The following PARM1 variants were observed in gnomAD, a reference collection of about 807,000 sequenced individuals.
The protein encoded by PARM1 is prostate androgen-regulated mucin-like protein 1.
PARM1 carries 14 observed loss-of-function variants against 24.6 expected under a neutral mutation model. The observed-to-expected ratio is 0.57, with a 90% CI of 0.38 to 0.89. The LOEUF (loss-of-function observed/expected upper bound fraction) is 0.89, where lower values mean the gene tolerates loss of function less well. Ranked by LOEUF, PARM1 falls within the 40% of genes least tolerant of loss-of-function variation. The pLI is 0.00. For synonymous variants in PARM1, 179 were observed against 156.6 expected (o/e 1.14, Z -1.07); for missense variants, 362 against 380.4 (o/e 0.95, Z 0.40).
At chr4:75,036,743 C>T (rs1276939219) in intron 3 of PARM1, among the ~76,000 whole-genome samples, 1 of 152,154 alleles carries the variant, frequency 6.6e-6, no homozygotes, top group East Asian at 1.9e-4. Context: ...TTTCCCCAGG[C>T]GTTCAGAGCA....
At chr4:75,012,373 C>T in intron 1 of PARM1, 52 bp from the exon 2 acceptor site, 8 of 1,573,860 alleles carry the variant, frequency 5.1e-6, no homozygotes, top group Non-Finnish European at 6.9e-6. Flanking sequence ...CTCTATTTCA[C>T]ATATTACCGT....
intron 1 of PARM1, among the ~76,000 whole-genome samples, chr4:74,951,320 T>C (rs1047578058): frequency 6.6e-6 from 1 of 152,190 alleles, no homozygotes; most frequent in Non-Finnish European, 1.5e-5. Flanking sequence ...TATAGAGAGA[T>C]AGCAAAAAGT....
At chr4:74,984,574 C>T (rs1230693614) in intron 1 of PARM1, among the ~76,000 whole-genome samples, 1 of 152,280 alleles carries the variant, frequency 6.6e-6, no homozygotes, top group African/African-American at 2.4e-5. Context: ...CCAAAAGGTT[C>T]TTTATCATTT....
At chr4:74,965,128 A>G (rs562424862) in intron 1 of PARM1, 2 of 152,330 alleles carry the variant, frequency 1.3e-5, no homozygotes, top group East Asian at 1.9e-4. Flanking sequence ...CCAGTTCATC[A>G]TGGATGAGGG....
At chr4:74,974,068 T>G (rs1194365529) in intron 1 of PARM1, among the ~76,000 whole-genome samples, 1 of 152,154 alleles carries the variant, frequency 6.6e-6, no homozygotes, top group Non-Finnish European at 1.5e-5. Context: ...TGATTTAGTT[T>G]AAGGACCAGA....
intron 1 of PARM1, among the ~76,000 whole-genome samples, chr4:74,969,180 A>C (rs1452119388): frequency 6.6e-6 from 1 of 151,798 alleles, no homozygotes; most frequent in African/African-American, 2.4e-5. Flanking sequence ...GACATCCCCT[A>C]CTCTTTCTCA....
intron 1 of PARM1, among the ~76,000 whole-genome samples, chr4:74,936,021 TG>T (rs1017507088): frequency 2.6e-5 from 4 of 151,950 alleles, no homozygotes; most frequent in African/African-American, 9.7e-5. Context: ...TTTGTAGATA[TG>T]GGGGGTATTC....
intron 1 of PARM1, among the ~76,000 whole-genome samples, chr4:74,948,578 A>T (rs1402281735): frequency 6.6e-6 from 1 of 152,166 alleles, no homozygotes; most frequent in East Asian, 1.9e-4. Flanking sequence ...TGGAAGCTGC[A>T]ACACCACTTG....
At chr4:74,989,142 GCAACCAAC>G (rs1043990885) in intron 1 of PARM1, among the ~76,000 whole-genome samples, 2 of 152,102 alleles carry the variant, frequency 1.3e-5, no homozygotes, top group African/African-American at 4.8e-5. Context: ...CTCCCCATTA[GCAACCAAC>G]CCTCCAGCAG....
chr4:75,017,255 A>G (rs1319262635), intron 2 of PARM1, among the ~76,000 whole-genome samples: 4 of 152,100 alleles, frequency 2.6e-5, no homozygotes, highest in Non-Finnish European at 4.4e-5. Flanking sequence ...TCACATTTCA[A>G]TCACTCCCCG....
Position 74,982,433 on chromosome 4 carries a change from C to G in PARM1, c.44-29992C>G, listed in dbSNP as rs373693950. Among the ~76,000 whole-genome samples the G allele has an allele frequency of 1.7e-4, 26 of 152,120 alleles. No homozygotes were observed. The East Asian group carries it at 4.2e-3, about 25-fold the overall frequency. On this transcript the variant is annotated intron_variant, in intron 1 of 3. Transcript: ENST00000307428. ...TTATGTAACAAACCTGTACATCCTG[C>G]ACATGTACCCCAGAACTTAAAATAA... is the stretch of plus-strand genomic sequence containing the variant.
chr4:74,994,715 C>T (rs1333274679), intron 1 of PARM1, among the ~76,000 whole-genome samples: 6 of 151,976 alleles, frequency 3.9e-5, no homozygotes, highest in African/African-American at 1.4e-4. Context: ...ATTGCTTGAA[C>T]CCAGGAAGCA....
At chr4:74,990,306 C>A (rs1578041518) in intron 1 of PARM1, among the ~76,000 whole-genome samples, 1 of 152,282 alleles carries the variant, frequency 6.6e-6, no homozygotes, top group East Asian at 1.9e-4. Flanking sequence ...GGCCTGGGAG[C>A]AACTGCAGTA....
intron 3 of PARM1, 87 bp downstream of exon 3, chr4:75,034,048 A>G: frequency 3.8e-6 from 4 of 1,049,006 alleles, no homozygotes; most frequent in Non-Finnish European, 5.7e-6. Flanking sequence ...CTTGTTCCTT[A>G]ATAGGTATCT....
chr4:74,935,295 T>A (rs2109977672), intron 1 of PARM1, among the ~76,000 whole-genome samples: 1 of 152,366 alleles, frequency 6.6e-6, no homozygotes, highest in Admixed American at 6.5e-5. Context: ...CCCTGAAGTT[T>A]GTGCCTTTGA....
intron 1 of PARM1, among the ~76,000 whole-genome samples, chr4:75,000,089 A>G (rs1722648000): frequency 2.6e-5 from 4 of 151,966 alleles, no homozygotes; most frequent in South Asian, 2.1e-4. Context: ...TGTGGGAAGC[A>G]CTCCATTCCT....
chr4:74,971,172 T>C (rs1722027203), intron 1 of PARM1, among the ~76,000 whole-genome samples: 1 of 152,156 alleles, frequency 6.6e-6, no homozygotes, highest in Non-Finnish European at 1.5e-5. Context: ...GACTCACAGT[T>C]CCACATGGCT....
At chr4:75,024,928 CAG>C (rs1723155901) in intron 2 of PARM1, among the ~76,000 whole-genome samples, 1 of 152,224 alleles carries the variant, frequency 6.6e-6, no homozygotes, top group Admixed American at 6.5e-5. Flanking sequence ...CTCCTGACCT[CAG>C]GTGATCCACC....
chr4:74,959,638 C>T (rs1162633778), intron 1 of PARM1, among the ~76,000 whole-genome samples: 1 of 152,224 alleles, frequency 6.6e-6, no homozygotes, highest in Non-Finnish European at 1.5e-5. Flanking sequence ...AAATTCTCAG[C>T]ACCATTATTT....
Sources: allele counts gnomAD v4.1 joint callset (sites outside exome capture counted in the v4.1 genomes callset), GRCh38; gene constraint gnomAD v4.1.1; transcripts MANE v1.5; gene names NCBI Gene and HGNC (gene_info 2026-07-23, HGNC 2026-07-21).